The following RAB38 variants were observed in gnomAD, a reference collection of about 807,000 sequenced individuals.
RAB38 encodes RAB38, member RAS oncogene family.
A neutral mutation model predicts 18.4 loss-of-function variants in RAB38; 15 were observed. That is an observed-to-expected ratio of 0.82 (90% confidence interval 0.55 to 1.26). The LOEUF is 1.26. RAB38 is among the 50% of genes most tolerant of loss of function. RAB38 has a pLI of 0.00. For missense variants in RAB38, 294 were observed against 267.4 expected (o/e 1.10, Z -0.69); for synonymous variants, 101 against 104.4 (o/e 0.97, Z 0.20).
chr11:88,107,734 C>T, the RAB38 span, among the ~76,000 whole-genome samples: 1 of 152,110 alleles, frequency 6.6e-6, no homozygotes, highest in African/African-American at 2.4e-5. Context: ...TAGATGTTTC[C>T]CACTTTCTCC....
the RAB38 span, among the ~76,000 whole-genome samples, chr11:87,822,890 T>C: frequency 1.3e-5 from 2 of 152,136 alleles, no homozygotes; most frequent in African/African-American, 2.4e-5. Flanking sequence ...GAAAGGAAAC[T>C]AATGCAATTA....
chr11:87,954,660 A>T, the RAB38 span, among the ~76,000 whole-genome samples: 1 of 152,054 alleles, frequency 6.6e-6, no homozygotes. Context: ...CATCAAGAGG[A>T]TCAGCTGCTC....
chr11:88,037,636 C>A, the RAB38 span, among the ~76,000 whole-genome samples: 25 of 152,212 alleles, frequency 1.6e-4, no homozygotes, highest in Non-Finnish European at 1.6e-4. Context: ...CTTTCTATCA[C>A]AACAGGTTTG....
chr11:88,021,723 G>A, the RAB38 span, among the ~76,000 whole-genome samples: 1 of 150,678 alleles, frequency 6.6e-6, no homozygotes, highest in Non-Finnish European at 1.5e-5. Context: ...TTCAAGAGCT[G>A]AGACTACAGA....
chr11:87,954,960 A>C, the RAB38 span, among the ~76,000 whole-genome samples: 17 of 152,356 alleles, frequency 1.1e-4, no homozygotes, highest in African/African-American at 4.1e-4. Context: ...ATAATTAGTA[A>C]TATTGCATCA....
At chr11:88,082,650 A>G in the RAB38 span, among the ~76,000 whole-genome samples, 2 of 151,862 alleles carry the variant, frequency 1.3e-5, no homozygotes, top group African/African-American at 4.8e-5. Context: ...CCACATCTCC[A>G]TTCATCAGAA....
At chr11:88,070,288 GA>G in the RAB38 span, among the ~76,000 whole-genome samples, 1 of 152,098 alleles carries the variant, frequency 6.6e-6, no homozygotes, top group Non-Finnish European at 1.5e-5. Context: ...TACTCACCGC[GA>G]AGGTCTGCAG....
At chr11:88,160,432 G>C (rs1380053275) in intron 1 of RAB38, among the ~76,000 whole-genome samples, 10 of 152,034 alleles carry the variant, frequency 6.6e-5, no homozygotes, top group Admixed American at 2.6e-4. Context: ...ATTTCTCAAA[G>C]AACTTAAAAC....
At chr11:88,073,110 TC>T in the RAB38 span, among the ~76,000 whole-genome samples, 1 of 152,072 alleles carries the variant, frequency 6.6e-6, no homozygotes, top group Non-Finnish European at 1.5e-5. Flanking sequence ...ACAATCAACT[TC>T]CCCACCATCT....
the RAB38 span, among the ~76,000 whole-genome samples, chr11:88,073,389 C>G: frequency 1.3e-5 from 2 of 152,128 alleles, no homozygotes; most frequent in Non-Finnish European, 2.9e-5. Context: ...GAACCCCCCT[C>G]TTTTGGAACT....
chr11:87,931,793 C>T, the RAB38 span, among the ~76,000 whole-genome samples: 1 of 152,016 alleles, frequency 6.6e-6, no homozygotes, highest in East Asian at 1.9e-4. Flanking sequence ...ATAATTCTTG[C>T]CTACAATCTG....
chr11:87,833,570 C>G, the RAB38 span, among the ~76,000 whole-genome samples: 1 of 152,168 alleles, frequency 6.6e-6, no homozygotes, highest in Non-Finnish European at 1.5e-5. Context: ...TTACTTTATA[C>G]CAGGCATTGT....
chr11:87,914,477 C>G, the RAB38 span, among the ~76,000 whole-genome samples: 2 of 152,098 alleles, frequency 1.3e-5, no homozygotes, highest in South Asian at 2.1e-4. Flanking sequence ...GGTATGGTTA[C>G]TTTTCACTGC....
chr11:88,069,864 C>G, the RAB38 span, among the ~76,000 whole-genome samples: 2 of 151,816 alleles, frequency 1.3e-5, no homozygotes, highest in African/African-American at 4.8e-5. Flanking sequence ...ACTTATACCT[C>G]TAGCTAGAGG....
the RAB38 span, among the ~76,000 whole-genome samples, chr11:87,834,117 C>T: frequency 7.9e-5 from 12 of 151,954 alleles, no homozygotes; most frequent in Non-Finnish European, 1.5e-4. Context: ...CCATTTGGAC[C>T]GTATGGAAAG....
the RAB38 span, among the ~76,000 whole-genome samples, chr11:87,878,317 C>A: frequency 6.8e-6 from 1 of 147,302 alleles, no homozygotes; most frequent in South Asian, 2.2e-4. Flanking sequence ...ATCTATCTAT[C>A]ATCTATCAAT....
At chr11:87,887,758 A>G in the RAB38 span, among the ~76,000 whole-genome samples, 1 of 151,950 alleles carries the variant, frequency 6.6e-6, no homozygotes, top group Non-Finnish European at 1.5e-5. Context: ...AAATTCATGA[A>G]TAATCCCAGG....
At chr11:88,129,467 C>A (rs1942741862) in intron 2 of RAB38, among the ~76,000 whole-genome samples, 1 of 152,020 alleles carries the variant, frequency 6.6e-6, no homozygotes, top group Non-Finnish European at 1.5e-5. Context: ...ATGGTGAAAC[C>A]CTGTCTCTAC....
the RAB38 span, among the ~76,000 whole-genome samples, chr11:87,872,738 T>C: frequency 6.6e-6 from 1 of 151,628 alleles, no homozygotes; most frequent in African/African-American, 2.4e-5. Context: ...GCTTCTTTCA[T>C]TTAGTAATAT....
Sources: gnomAD v4.1 joint callset for allele counts (sites outside exome capture counted in the v4.1 genomes callset) on GRCh38, gnomAD v4.1.1 for gene constraint, MANE v1.5 for transcripts, NCBI Gene and HGNC (gene_info 2026-07-23, HGNC 2026-07-21) for gene names.